CTCFL: variants seen among roughly 807,000 people sequenced by gnomAD.
CTCFL encodes the protein transcriptional repressor CTCFL.
Under a neutral mutation model 67.4 loss-of-function variants are expected in CTCFL, and 36 were observed. The observed-to-expected ratio is 0.53, with a 90% CI of 0.41 to 0.71. The LOEUF (loss-of-function observed/expected upper bound fraction) is 0.71. Ranked by LOEUF, CTCFL falls within the 30% of genes least tolerant of loss-of-function variation. The probability of loss-of-function intolerance (pLI) is 0.00; values close to 1 mark genes in which losing one functional copy is unlikely to be tolerated. For synonymous variants in CTCFL, 324 were observed against 302.3 expected (o/e 1.07, Z -0.75); for missense variants, 786 against 835.2 (o/e 0.94, Z 0.73).
intron 9 of CTCFL, chr20:57,507,445 G>T: frequency 1.6e-6 from 1 of 636,686 alleles, no homozygotes; most frequent in Non-Finnish European, 2.9e-6. Flanking sequence ...TTATCCACCT[G>T]CCTTGGCCTC....
intron 9 of CTCFL, chr20:57,507,577 G>A (rs1337881503): frequency 1.4e-6 from 1 of 702,802 alleles, no homozygotes; most frequent in African/African-American, 1.7e-5. Flanking sequence ...TGAGTCAGGA[G>A]GACACTCAAG....
chr20:57,500,943 G>A (rs1326296126), intron 10 of CTCFL, among the ~76,000 whole-genome samples: 1 of 152,204 alleles, frequency 6.6e-6, no homozygotes, highest in Non-Finnish European at 1.5e-5. Context: ...CGGAATCAGC[G>A]GGGAAGTCAC....
intron 5 of CTCFL, among the ~76,000 whole-genome samples, chr20:57,517,754 C>T (rs1600672155): frequency 6.6e-6 from 1 of 151,904 alleles, no homozygotes; most frequent in Admixed American, 6.6e-5. Context: ...AGGCTACCCC[C>T]CACAGGCTGC....
At chr20:57,510,138 G>A (rs1186233053) in intron 8 of CTCFL, among the ~76,000 whole-genome samples, 1 of 152,178 alleles carries the variant, frequency 6.6e-6, no homozygotes, top group African/African-American at 2.4e-5. Flanking sequence ...CACACAGTAA[G>A]CACTGATTTT....
chr20:57,506,802 T>G, intron 9 of CTCFL: 4 of 985,270 alleles, frequency 4.1e-6, no homozygotes, highest in Non-Finnish European at 4.8e-6. Context: ...TTTTTTCTCT[T>G]TAGAATTCTA....
chr20:57,507,999 G>A lies in CTCFL; in HGVS notation c.1674+607C>T, dbSNP rs1361399851. ...ACTCTGTCTTTGAGGCCAGAGTGCA[G>A]TGGTGCGATCGTGACTCACTGTAGC... On this transcript the variant is annotated intron_variant, in intron 9 of 10. Coordinates refer to ENST00000243914, the MANE Select transcript of CTCFL (RefSeq NM_001386993.1). 2.1e-5 allele frequency: 13 copies of A among 627,314 alleles called. No individual in the cohort carries two copies. In the Admixed American group the frequency reaches 3.0e-4, roughly 14 times the overall value. The allele number at this position is 627,314 out of a possible 1,614,324, so 38.9% of individuals were successfully genotyped here.
chr20:57,512,816 C>T (rs1378659048), intron 7 of CTCFL, 64 bp from the exon 8 acceptor site: 1 of 1,511,216 alleles, frequency 6.6e-7, no homozygotes, highest in Non-Finnish European at 9.1e-7. Flanking sequence ...TGCTTCCCCT[C>T]TCCTCTAAAC....
chr20:57,520,366 T>C (rs1415142390), intron 3 of CTCFL, among the ~76,000 whole-genome samples: 1 of 152,188 alleles, frequency 6.6e-6, no homozygotes, highest in African/African-American at 2.4e-5. Context: ...CTACAAAGAC[T>C]TCAGATGTTG....
intron 10 of CTCFL, among the ~76,000 whole-genome samples, chr20:57,499,083 G>C (rs906798682): frequency 4.8e-5 from 2 of 42,062 alleles, no homozygotes; most frequent in African/African-American, 1.5e-4. Context: ...CGGGGGGGGG[G>C]TGGGGGGGGG....
intron 10 of CTCFL, chr20:57,499,516 C>T (rs2067810261): frequency 6.5e-6 from 1 of 153,860 alleles, no homozygotes; most frequent in Admixed American, 6.5e-5. Flanking sequence ...TTTCCATGGA[C>T]TGGTTGGGGT....
intron 3 of CTCFL, among the ~76,000 whole-genome samples, chr20:57,522,458 T>C (rs2069451163): frequency 6.6e-6 from 1 of 152,234 alleles, no homozygotes; most frequent in African/African-American, 2.4e-5. Context: ...CAGTTTAATA[T>C]GGCTTTAATA....
intron 6 of CTCFL, 30 bp downstream of exon 6, chr20:57,515,684 G>A (rs997595978): frequency 6.2e-7 from 1 of 1,614,016 alleles, no homozygotes; most frequent in Non-Finnish European, 8.5e-7. Context: ...AACACTGTAG[G>A]TATCAGGCCT....
At chr20:57,500,039 T>C (rs1312652207) in intron 10 of CTCFL, 1 of 987,048 alleles carries the variant, frequency 1.0e-6, no homozygotes, top group African/African-American at 1.7e-5. Flanking sequence ...GACTGTCTCA[T>C]GTTCTAACTT....
At position 57,519,311 on chromosome 20, in the gene CTCFL, C is replaced by T. The variant is rs150851397; in HGVS notation, c.821G>A (p.Arg274His). 73 of 1,613,796 alleles carry T rather than the reference C, an allele frequency of 4.5e-5. No individual in the cohort carries two copies. The highest frequency in any genetic ancestry group is 1.6e-4 in the Middle Eastern group (1 of 6,084). ...CTCACTGGTGTGAGTTTTCATATGACGATTAAAACTTGACATTCTAGAAGA... is the reference window on the plus strand; with the variant it reads ...CTCACTGGTGTGAGTTTTCATATGATGATTAAAACTTGACATTCTAGAAGA... ...FTSSRMSSFN[R>H]HMKTHTSEKP... The change falls in exon 4 of 11, where the codon CGT becomes CAT. Residue 274 changes from arginine (R) to histidine (H), a missense_variant. Physicochemically the swap from Arg to His is conservative, Grantham distance 29. This residue lies in a region of CTCFL where 254 missense variants were observed against 333.9 expected (regional missense o/e 0.76). Transcript: ENST00000243914.
intron 9 of CTCFL, chr20:57,506,900 A>G: frequency 1.0e-6 from 1 of 985,420 alleles, no homozygotes; most frequent in South Asian, 4.7e-5. Flanking sequence ...TTTTAAACTA[A>G]TAGGGTTGAC....
chr20:57,503,391 G>C, intron 10 of CTCFL, 45 bp downstream of exon 10: 1 of 1,610,242 alleles, frequency 6.2e-7, no homozygotes, highest in Non-Finnish European at 8.5e-7. Flanking sequence ...GTCACAACCA[G>C]AAAATCACTG....
intron 10 of CTCFL, among the ~76,000 whole-genome samples, chr20:57,503,035 C>G (rs1368007844): frequency 6.6e-6 from 1 of 152,154 alleles, no homozygotes; most frequent in African/African-American, 2.4e-5. Flanking sequence ...TCCCCTAGGT[C>G]CCCCGAGGGA....
chr20:57,506,704 G>C, intron 9 of CTCFL: 1 of 768,722 alleles, frequency 1.3e-6, no homozygotes, highest in South Asian at 5.9e-5. Context: ...TCTTGAATCG[G>C]AATTTCAAAA....
In CTCFL at chr20:57,523,969, G is replaced by C. The variant is rs948236972; in HGVS notation, c.237C>G (p.Ile79Met). ...LAPSEESEKYILTLQTVHFTS... is the reference protein window; with the variant it reads ...LAPSEESEKYMLTLQTVHFTS... The stretch of plus-strand genomic sequence containing the variant: ...TGAAGTGCACCGTCTGCAGGGTCAG[G>C]ATGTACTTCTCGCTCTCCTCCGAGG... The change falls in exon 2 of 11, where the codon ATC becomes ATG. Residue 79 changes from isoleucine (I) to methionine (M), a missense_variant. Transcript: ENST00000243914. 1 of 1,613,008 alleles carries C rather than the reference G, an allele frequency of 6.2e-7. No individual in the cohort carries two copies. The highest frequency in any genetic ancestry group is 1.3e-5 in the African/African-American group (1 of 74,914).
Sources: gnomAD v4.1 joint callset for allele counts (sites outside exome capture counted in the v4.1 genomes callset) on GRCh38, gnomAD v4.1.1 for gene constraint, gnomAD v4.1.1 regional missense constraint, MANE v1.5 for transcripts, NCBI Gene and HGNC (gene_info 2026-07-23, HGNC 2026-07-21) for gene names.